OTUD7A: variants seen among roughly 807,000 people sequenced by gnomAD.
OTUD7A encodes OTU domain-containing protein 7A.
OTUD7A carries 12 observed loss-of-function variants against 65.7 expected under a neutral mutation model. The observed-to-expected ratio is 0.18, with a 90% CI of 0.12 to 0.30. The LOEUF is 0.30. OTUD7A is among the 10% of genes least tolerant of loss of function. The pLI is 1.00. For synonymous variants in OTUD7A, 641 were observed against 586.3 expected, an observed-to-expected ratio of 1.09 and a Z score of -1.35; for missense variants, 1,148 against 1,304.8, an observed-to-expected ratio of 0.88 and a Z score of 1.85.
intron 1 of OTUD7A, among the ~76,000 whole-genome samples, chr15:31,737,624 G>A (rs1361217474): frequency 6.6e-6 from 1 of 152,144 alleles, no homozygotes; most frequent in Non-Finnish European, 1.5e-5. Flanking sequence ...CCCATTTTTG[G>A]AAATATATCT....
chr15:31,805,653 C>G (rs560466734), intron 1 of OTUD7A, among the ~76,000 whole-genome samples: 84 of 152,304 alleles, frequency 5.5e-4, no homozygotes, highest in African/African-American at 1.9e-3. Context: ...AGTGCCTTTA[C>G]TTCAATCCAG....
chr15:31,502,751 C>G (rs759262065), intron 9 of OTUD7A, among the ~76,000 whole-genome samples: 12 of 152,178 alleles, frequency 7.9e-5, no homozygotes, highest in Non-Finnish European at 1.6e-4. Context: ...GCAGCAGTGC[C>G]CTGATGCAAG....
chr15:31,589,468 T>G (rs936224737), intron 3 of OTUD7A, among the ~76,000 whole-genome samples: 2 of 149,098 alleles, frequency 1.3e-5, no homozygotes, highest in Non-Finnish European at 3.0e-5. Flanking sequence ...GGCTTGTTTT[T>G]TTTTTTTTTT....
chr15:31,483,975 C>A lies in OTUD7A; in HGVS notation c.2121G>T (p.Thr707=). Residue 707 remains threonine (T), a synonymous_variant, in exon 13 of 13, where the codon ACG becomes ACT. Transcript: ENST00000307050. ...CGCGCTCCGGGACCGGCACGCCCTC[C>A]GTCTCCGGTCTGCGCGGCGGCCGCT... ...TAKRPPRRPE[T]EGVPVPERAS... is the part of the protein sequence containing the mutation. 8.8e-7 allele frequency: 1 copy of A among 1,139,964 alleles called. No homozygotes were observed. The highest frequency in any genetic ancestry group is 1.1e-6 in the Non-Finnish European group (1 of 924,492). The allele number at this position is 1,139,964 out of a possible 1,614,324, so 70.6% of individuals were successfully genotyped here. A position where few individuals can be genotyped will look rare whatever the true frequency, so the allele number is the denominator to read the frequency against.
At chr15:31,794,708 C>T (rs1049903839) in intron 1 of OTUD7A, among the ~76,000 whole-genome samples, 18 of 152,024 alleles carry the variant, frequency 1.2e-4, no homozygotes, top group Admixed American at 5.2e-4. Context: ...TCATCCACCT[C>T]GCCCCCCAGC....
intron 1 of OTUD7A, among the ~76,000 whole-genome samples, chr15:31,836,371 C>T (rs1897055410): frequency 6.6e-6 from 1 of 152,144 alleles, no homozygotes; most frequent in South Asian, 2.1e-4. Flanking sequence ...GAAGTACTCT[C>T]CTTTTTTACT....
At chr15:31,653,578 G>A in intron 3 of OTUD7A, among the ~76,000 whole-genome samples, 1 of 150,374 alleles carries the variant, frequency 6.7e-6, no homozygotes, top group Non-Finnish European at 1.5e-5. Context: ...AGAAAACAGA[G>A]CACTGACTGC....
intron 1 of OTUD7A, among the ~76,000 whole-genome samples, chr15:31,792,012 A>G (rs1895829680): frequency 6.6e-6 from 1 of 152,074 alleles, no homozygotes; most frequent in Admixed American, 6.5e-5. Context: ...GTACTGCCCA[A>G]CCAGGACTCT....
At chr15:31,808,136 C>CACACACACACACACACACA (rs772574742) in intron 1 of OTUD7A, among the ~76,000 whole-genome samples, 2 of 119,416 alleles carry the variant, frequency 1.7e-5, no homozygotes, top group Non-Finnish European at 1.9e-5. Context: ...CACACACACA[C>CACACACACACACACACACA]AAACAAATCC....
At chr15:31,598,898 G>A (rs530156653) in intron 3 of OTUD7A, among the ~76,000 whole-genome samples, 240 of 152,204 alleles carry the variant, frequency 1.6e-3, no homozygotes, top group Non-Finnish European at 2.5e-3. Flanking sequence ...AGGGAAGTTC[G>A]AACTGGGTGG....
At chr15:31,743,567 T>A (rs1240812344) in intron 1 of OTUD7A, among the ~76,000 whole-genome samples, 1 of 151,384 alleles carries the variant, frequency 6.6e-6, no homozygotes, top group Non-Finnish European at 1.5e-5. Flanking sequence ...CCAAAGTAAG[T>A]AGAAAGAAGG....
intron 5 of OTUD7A, among the ~76,000 whole-genome samples, chr15:31,552,455 T>C (rs201642510): frequency 1.3e-5 from 2 of 152,276 alleles, no homozygotes; most frequent in South Asian, 2.1e-4. Context: ...GAAAGAAAAA[T>C]AGGAAATACC....
chr15:31,836,719 A>G (rs1242034841), intron 1 of OTUD7A, among the ~76,000 whole-genome samples: 4 of 152,240 alleles, frequency 2.6e-5, no homozygotes, highest in Admixed American at 6.5e-5. Context: ...ATAATCCACA[A>G]TATTAACAGG....
chr15:31,845,838 T>C (rs1375627158), intron 1 of OTUD7A, among the ~76,000 whole-genome samples: 1 of 152,058 alleles, frequency 6.6e-6, no homozygotes, highest in South Asian at 2.1e-4. Context: ...CCACAGACAA[T>C]CCACAGACCC....
At chr15:31,646,238 C>G (rs1891659364) in intron 3 of OTUD7A, among the ~76,000 whole-genome samples, 1 of 151,966 alleles carries the variant, frequency 6.6e-6, no homozygotes, top group Admixed American at 6.6e-5. Flanking sequence ...ATTCCTGGAC[C>G]TCAGGGAGCC....
intron 4 of OTUD7A, among the ~76,000 whole-genome samples, chr15:31,567,190 CAG>C (rs1006845757): frequency 4.6e-5 from 7 of 152,178 alleles, no homozygotes; most frequent in African/African-American, 1.7e-4. Context: ...AAATGGACAA[CAG>C]AGTCAAGGCT....
Position 31,503,701 on chromosome 15 carries a change from T to G in OTUD7A, c.1011A>C (p.Ser337=). The G allele has an allele frequency of 6.2e-7, 1 of 1,614,204 alleles. No homozygotes were observed. Among genetic ancestry groups the G allele is most frequent in the Non-Finnish European group, 8.5e-7 (1 of 1,180,026 alleles). ...CTTTGAGGAACTTACCTTCTCCACC[T>G]GAGTCTCTTAACATTGTATCTGCCA... ...VVVADTMLRD[S]GGEAFAPIPF... is the part of the protein sequence containing the mutation. The change falls in exon 9 of 13, where the codon TCA becomes TCC. Residue 337 remains serine, a synonymous_variant. Coordinates refer to ENST00000307050, the MANE Select transcript of OTUD7A (RefSeq NM_001382637.1).
At chr15:31,624,557 G>A (rs35331530) in intron 3 of OTUD7A, among the ~76,000 whole-genome samples, 6,896 of 152,196 alleles carry the variant, frequency 0.045, 298 homozygotes, top group African/African-American at 0.12. Context: ...GAGAGAAAAT[G>A]ACCATTGATG....
chr15:31,841,011 G>C (rs928746780), intron 1 of OTUD7A, among the ~76,000 whole-genome samples: 2 of 152,164 alleles, frequency 1.3e-5, no homozygotes, highest in African/African-American at 4.8e-5. Flanking sequence ...GCAATGTGGA[G>C]AACAGAAAGT....
Sources: gnomAD v4.1 joint callset for allele counts (sites outside exome capture counted in the v4.1 genomes callset) on GRCh38, gnomAD v4.1.1 for gene constraint, MANE v1.5 for transcripts, NCBI Gene and HGNC (gene_info 2026-07-23, HGNC 2026-07-21) for gene names.